TAX1BP1: variants seen among roughly 807,000 people sequenced by gnomAD.
The protein encoded by TAX1BP1 is tax1-binding protein 1.
A neutral mutation model predicts 97.7 loss-of-function variants in TAX1BP1; 62 were observed. That is an observed-to-expected ratio of 0.63 (90% CI 0.52 to 0.78). TAX1BP1 has a LOEUF of 0.78. Among genes scored for constraint, TAX1BP1 ranks in the 30% least tolerant of loss-of-function variants. The pLI is 0.00. For synonymous variants in TAX1BP1, 340 were observed against 304.2 expected, an observed-to-expected ratio of 1.12 and a Z score of -1.23; for missense variants, 867 against 916.1, an observed-to-expected ratio of 0.95 and a Z score of 0.69.
Position 27,828,889 on chromosome 7 carries a change from T to A in TAX1BP1, c.*60T>A, listed in dbSNP as rs2128328319. Reference sequence around the variant, plus strand: ...TAAAAAAAAAAAAAAAAACCACACCTAAAATAGACCACTGAGGAGACCATA... The same window carrying A: ...TAAAAAAAAAAAAAAAAACCACACCAAAAATAGACCACTGAGGAGACCATA... On this transcript the variant is annotated 3_prime_UTR_variant, in exon 17 of 17. Coordinates refer to ENST00000396319, the MANE Select transcript of TAX1BP1 (RefSeq NM_006024.7). 7 of 1,239,120 alleles carry A rather than the reference T, an allele frequency of 5.6e-6. No homozygotes were observed. The highest frequency in any genetic ancestry group is 1.4e-5 in the South Asian group (1 of 73,028). 76.8% of individuals were successfully genotyped at this position (1,239,120 alleles called of 1,614,324 possible). A position where few individuals can be genotyped will look rare whatever the true frequency, so the allele number is the denominator to read the frequency against.
chr7:27,810,743 G>C (rs1790528720), intron 13 of TAX1BP1, among the ~76,000 whole-genome samples: 1 of 152,028 alleles, frequency 6.6e-6, no homozygotes, highest in South Asian at 2.1e-4. Flanking sequence ...CAAAGTGCTG[G>C]GATTATAGGT....
chr7:27,748,571 A>G lies in TAX1BP1; in HGVS notation c.47A>G (p.His16Arg), dbSNP rs1256712517. Residue 16 changes from histidine (H) to arginine (R), a missense_variant, in exon 2 of 17, where the codon CAT becomes CGT. Transcript: ENST00000396319. ...CCATTGCAGACTTCCAACTTTGCCC[A>G]TGTCATCTTTCAAAATGTGGCCAAG... ...EVPLQTSNFA[H>R]VIFQNVAKSY... 10 of 1,604,634 alleles carry G rather than the reference A, an allele frequency of 6.2e-6. No homozygotes were observed. Among genetic ancestry groups the G allele is most frequent in the African/African-American group, 1.3e-5 (1 of 74,716 alleles).
At chr7:27,760,172 AC>A (rs935068874) in intron 3 of TAX1BP1, among the ~76,000 whole-genome samples, 11 of 151,684 alleles carry the variant, frequency 7.3e-5, no homozygotes, top group Admixed American at 4.6e-4. Flanking sequence ...TTAAAATGAA[AC>A]CCCAAATCAT....
intron 3 of TAX1BP1, among the ~76,000 whole-genome samples, chr7:27,763,787 G>T (rs1038774796): frequency 6.6e-6 from 1 of 151,396 alleles, no homozygotes; most frequent in Non-Finnish European, 1.5e-5. Context: ...AAAAGAATCA[G>T]ACCTTGAATA....
intron 13 of TAX1BP1, among the ~76,000 whole-genome samples, chr7:27,801,056 A>G (rs1484178019): frequency 6.7e-6 from 1 of 149,674 alleles, no homozygotes; most frequent in Admixed American, 6.7e-5. Context: ...GTGAGCCAAG[A>G]TCATGCCATT....
intron 15 of TAX1BP1, among the ~76,000 whole-genome samples, chr7:27,824,857 C>T (rs1410095434): frequency 6.6e-6 from 1 of 151,966 alleles, no homozygotes; most frequent in African/African-American, 2.4e-5. Context: ...AAATTTGGAA[C>T]TGTTCATAAA....
intron 15 of TAX1BP1, among the ~76,000 whole-genome samples, chr7:27,821,460 A>G (rs1790970262): frequency 6.6e-6 from 1 of 151,774 alleles, no homozygotes; most frequent in African/African-American, 2.4e-5. Flanking sequence ...GCAAAACCCC[A>G]TCTCTACTAA....
At chr7:27,805,970 G>A (rs1790320492) in intron 13 of TAX1BP1, among the ~76,000 whole-genome samples, 1 of 152,168 alleles carries the variant, frequency 6.6e-6, no homozygotes, top group Non-Finnish European at 1.5e-5. Context: ...TTTATGCTCA[G>A]CTTTGAAAAC....
chr7:27,821,720 A>G (rs571475910), intron 15 of TAX1BP1, among the ~76,000 whole-genome samples: 74 of 152,190 alleles, frequency 4.9e-4, no homozygotes, highest in African/African-American at 1.7e-3. Context: ...AAAGTATACA[A>G]TTTAGTGGTT....
chr7:27,813,908 C>T (rs930786101), intron 13 of TAX1BP1, among the ~76,000 whole-genome samples: 1 of 151,828 alleles, frequency 6.6e-6, no homozygotes, highest in Non-Finnish European at 1.5e-5. Flanking sequence ...TTAACGGTCA[C>T]TAAATTTGTT....
At chr7:27,794,532 A>T in intron 11 of TAX1BP1, 86 bp downstream of exon 11, 1 of 1,376,484 alleles carries the variant, frequency 7.3e-7, no homozygotes, top group Admixed American at 2.6e-5. Context: ...GAATTTCAGG[A>T]TGTTCATAAA....
upstream of TAX1BP1, chr7:27,739,897 C>T (rs1356544624): frequency 1.3e-5 from 2 of 152,294 alleles, no homozygotes; most frequent in Non-Finnish European, 2.9e-5. Context: ...CTGTGTGTTT[C>T]CCCCTTTCGT....
intron 5 of TAX1BP1, among the ~76,000 whole-genome samples, chr7:27,784,405 A>G (rs1391458011): frequency 1.3e-5 from 2 of 152,178 alleles, no homozygotes; most frequent in Non-Finnish European, 2.9e-5. Context: ...AATTTGTTGC[A>G]CTTACTACCT....
At chr7:27,763,584 T>C (rs912941533) in intron 3 of TAX1BP1, among the ~76,000 whole-genome samples, 2 of 152,142 alleles carry the variant, frequency 1.3e-5, no homozygotes, top group African/African-American at 4.8e-5. Flanking sequence ...CTTGCCAACA[T>C]GGTGAAACCC....
intron 13 of TAX1BP1, among the ~76,000 whole-genome samples, chr7:27,808,988 T>C (rs577069653): frequency 2.6e-5 from 4 of 152,312 alleles, no homozygotes; most frequent in Admixed American, 6.5e-5. Context: ...TGATTTAAAA[T>C]GAATAGAGCA....
At chr7:27,777,766 T>C (rs895375227) in intron 5 of TAX1BP1, among the ~76,000 whole-genome samples, 1 of 152,226 alleles carries the variant, frequency 6.6e-6, no homozygotes, top group Non-Finnish European at 1.5e-5. Context: ...CTTTGCCCTG[T>C]GGCCTTAAAA....
rs146048780 is a variant in TAX1BP1, at chr7:27,803,001, A to C, written c.1764+2911A>C. The C allele has an allele frequency of 1.8e-4, 193 of 1,065,434 alleles. 1 individual carries two copies. The African/African-American group carries it at 2.8e-3, about 15-fold the overall frequency. The allele number at this position is 1,065,434 out of a possible 1,614,324, so 66.0% of individuals were successfully genotyped here. On this transcript the variant is annotated intron_variant, in intron 13 of 16. Coordinates refer to ENST00000396319, the MANE Select transcript of TAX1BP1 (RefSeq NM_006024.7). ...AGAATTAGCTGAGGAAAATACGTGG[A>C]TTTAGTAATAGGAATTATTTTCGTA...
intron 15 of TAX1BP1, among the ~76,000 whole-genome samples, chr7:27,825,343 G>A (rs1306432278): frequency 6.6e-6 from 1 of 151,424 alleles, no homozygotes; most frequent in African/African-American, 2.4e-5. Context: ...GGCTTGTTGA[G>A]TAAAATAGAA....
chr7:27,812,579 TCTC>T (rs140059224), intron 13 of TAX1BP1, among the ~76,000 whole-genome samples: 8,099 of 152,262 alleles, frequency 0.053, 461 homozygotes, highest in African/African-American at 0.15. Flanking sequence ...ATGAAGATAT[TCTC>T]CTATTTTTTT....
Sources: gnomAD v4.1 joint callset for allele counts (sites outside exome capture counted in the v4.1 genomes callset) on GRCh38, gnomAD v4.1.1 for gene constraint, MANE v1.5 for transcripts, NCBI Gene and HGNC (gene_info 2026-07-23, HGNC 2026-07-21) for gene names.